The following LRRC52 variants were observed in gnomAD, a reference collection of about 807,000 sequenced individuals.
The protein encoded by LRRC52 is leucine-rich repeat-containing protein 52.
LRRC52 carries 15 observed loss-of-function variants against 14.7 expected under a neutral mutation model. The observed-to-expected ratio is 1.02, with a 90% CI of 0.68 to 1.58. The LOEUF (loss-of-function observed/expected upper bound fraction) is 1.58, where lower values mean the gene tolerates loss of function less well. Ranked by LOEUF, LRRC52 falls within the 40% of genes most tolerant of loss-of-function variation. The pLI, the probability that LRRC52 is intolerant of heterozygous loss-of-function variation, is 0.00. For synonymous variants in LRRC52, 180 were observed against 163.9 expected, an observed-to-expected ratio of 1.10 and a Z score of -0.75; for missense variants, 400 against 387.7, an observed-to-expected ratio of 1.03 and a Z score of -0.27.
intron 1 of LRRC52, among the ~76,000 whole-genome samples, chr1:165,555,673 G>A (rs146146442): frequency 1.3e-4 from 20 of 152,332 alleles, no homozygotes; most frequent in Non-Finnish European, 1.8e-4. Context: ...AATGGTCCAG[G>A]TAATTAGAAG....
chr1:165,544,214 G>T lies in LRRC52; in HGVS notation c.-83G>T. On this transcript the variant is annotated 5_prime_UTR_variant, in exon 1 of 2. Coordinates refer to ENST00000294818, the MANE Select transcript of LRRC52 (RefSeq NM_001005214.4). Reference sequence around the variant, plus strand: ...CAGTTCTTTCCAGAGCCCCTCCCCCGCCCCACCCCCCCACCGGCAGCCTTC... The same window carrying T: ...CAGTTCTTTCCAGAGCCCCTCCCCCTCCCCACCCCCCCACCGGCAGCCTTC... The T allele has an allele frequency of 1.2e-5, 5 of 404,264 alleles. 2 individuals carry two copies. Among genetic ancestry groups the T allele is most frequent in the Admixed American group, 3.3e-5 (1 of 30,422 alleles). 25.0% of individuals were successfully genotyped at this position (404,264 alleles called of 1,614,324 possible).
chr1:165,563,857 C>T lies in LRRC52; in HGVS notation c.*33C>T. On this transcript the variant is annotated 3_prime_UTR_variant, in exon 2 of 2. Transcript: ENST00000294818. ...AGACCACTATCTTATGTGCCTCCCC[C>T]AGGCTCCCTGCTTTCTCTCTTGCCC... The T allele has an allele frequency of 6.3e-7, 1 of 1,592,012 alleles. No homozygotes were observed. Among genetic ancestry groups the T allele is most frequent in the South Asian group, 1.1e-5 (1 of 87,422 alleles).
At chr1:165,557,055 T>G (rs561408109) in intron 1 of LRRC52, among the ~76,000 whole-genome samples, 1 of 152,330 alleles carries the variant, frequency 6.6e-6, no homozygotes, top group South Asian at 2.1e-4. Context: ...GCACCTACTG[T>G]GTGCCAGGCA....
chr1:165,546,728 C>G lies in LRRC52; in HGVS notation c.622+1810C>G, dbSNP rs1003415854. 2.6e-5 allele frequency among the ~76,000 whole-genome samples: 4 copies of G among 152,126 alleles called. No individual in the cohort carries two copies. In the South Asian group the frequency reaches 8.3e-4, roughly 32 times the overall value. On this transcript the variant is annotated intron_variant, in intron 1 of 1. Coordinates refer to ENST00000294818, the MANE Select transcript of LRRC52 (RefSeq NM_001005214.4). Reference sequence around the variant, plus strand: ...AGCACCTAAGCCTACCATTTCACCTCCCACTCCATCTCCCTTCATCAGATT... The same window carrying G: ...AGCACCTAAGCCTACCATTTCACCTGCCACTCCATCTCCCTTCATCAGATT...
chr1:165,544,227 A>AC lies in LRRC52; in HGVS notation c.-68dup. ...AGCCCCTCCCCCGCCCCACCCCCCC[A>AC]CCGGCAGCCTTCGGATCAGAGGACA... On this transcript the variant is annotated 5_prime_UTR_variant, in exon 1 of 2. Coordinates refer to ENST00000294818, the MANE Select transcript of LRRC52 (RefSeq NM_001005214.4). 1 of 684,714 alleles carries AC rather than the reference A, an allele frequency of 1.5e-6. No individual in the cohort carries two copies. The highest frequency in any genetic ancestry group is 1.8e-5 in the South Asian group (1 of 56,698). 42.4% of individuals were successfully genotyped at this position (684,714 alleles called of 1,614,324 possible).
intron 1 of LRRC52, among the ~76,000 whole-genome samples, chr1:165,559,226 T>C (rs1396059985): frequency 1.3e-5 from 2 of 150,828 alleles, no homozygotes; most frequent in East Asian, 1.9e-4. Flanking sequence ...CCATCTCTAC[T>C]AAAAATATAA....
intron 1 of LRRC52, among the ~76,000 whole-genome samples, chr1:165,556,839 G>GTTCTTGAGCAGTCATA (rs1661243318): frequency 6.6e-6 from 1 of 152,224 alleles, no homozygotes; most frequent in Non-Finnish European, 1.5e-5. Context: ...TGGCTTTGGT[G>GTTCTTGAGCAGTCATA]TTCTTGAGCA....
chr1:165,547,942 T>A (rs531563154), intron 1 of LRRC52, among the ~76,000 whole-genome samples: 1 of 152,384 alleles, frequency 6.6e-6, no homozygotes, highest in Admixed American at 6.5e-5. Flanking sequence ...TGGTCTCTGC[T>A]ACGTGGAAAT....
intron 1 of LRRC52, among the ~76,000 whole-genome samples, chr1:165,554,463 CAG>C (rs1661195449): frequency 7.9e-6 from 1 of 127,026 alleles, no homozygotes; most frequent in Non-Finnish European, 1.8e-5. Context: ...TTTTTGGAGG[CAG>C]ACTCTTGCTG....
At chr1:165,557,198 C>T (rs954717083) in intron 1 of LRRC52, among the ~76,000 whole-genome samples, 1 of 152,192 alleles carries the variant, frequency 6.6e-6, no homozygotes, top group Non-Finnish European at 1.5e-5. Flanking sequence ...CCCTTGTTTC[C>T]TTCTCTTCAG....
intron 1 of LRRC52, among the ~76,000 whole-genome samples, chr1:165,562,584 C>T (rs192638849): frequency 4.5e-4 from 69 of 152,204 alleles, no homozygotes; most frequent in Admixed American, 1.2e-3. Context: ...GATGAGGAAA[C>T]GGAATTCAGA....
At chr1:165,556,819 G>T (rs907005152) in intron 1 of LRRC52, among the ~76,000 whole-genome samples, 3 of 152,238 alleles carry the variant, frequency 2.0e-5, no homozygotes, top group South Asian at 4.1e-4. Context: ...AAGGGGCCTT[G>T]TTGGCCAGTT....
intron 1 of LRRC52, among the ~76,000 whole-genome samples, chr1:165,560,679 GGAAGAACAT>G (rs1183094186): frequency 6.6e-6 from 1 of 152,142 alleles, no homozygotes; most frequent in Non-Finnish European, 1.5e-5. Flanking sequence ...TTAAAAGATG[GGAAGAACAT>G]GATCCTGCAA....
intron 1 of LRRC52, among the ~76,000 whole-genome samples, chr1:165,547,807 T>C (rs1018694779): frequency 2.6e-5 from 4 of 152,200 alleles, no homozygotes; most frequent in African/African-American, 9.7e-5. Context: ...CATGAACAGA[T>C]ACATGCATAC....
rs1557968639 is a variant in LRRC52 at position 165,563,604 on chromosome 1, A to G, written c.722A>G (p.Asp241Gly). The G allele has an allele frequency of 6.2e-7, 1 of 1,614,246 alleles. No homozygotes were observed. Among genetic ancestry groups the G allele is most frequent in the Non-Finnish European group, 8.5e-7 (1 of 1,180,042 alleles). Reference protein sequence around the residue: ...PLRYMCITHLDHKDYIFLLLI... With the variant: ...PLRYMCITHLGHKDYIFLLLI... Reference sequence around the variant, plus strand: ...CGATACATGTGCATCACGCACCTGGACCACAAAGACTACATCTTCCTGCTG... The same window carrying G: ...CGATACATGTGCATCACGCACCTGGGCCACAAAGACTACATCTTCCTGCTG... Residue 241 changes from aspartate (D) to glycine (G), a missense_variant, in exon 2 of 2, where the codon GAC (aspartate) becomes GGC (glycine). Transcript: ENST00000294818.
At chr1:165,560,953 G>A (rs985850715) in intron 1 of LRRC52, among the ~76,000 whole-genome samples, 3 of 152,106 alleles carry the variant, frequency 2.0e-5, no homozygotes, top group Non-Finnish European at 4.4e-5. Context: ...GAGTGTGACC[G>A]AGAAGAGCTG....
In LRRC52 at chr1:165,561,366, C is replaced by T. The variant is rs1373772746; in HGVS notation, c.623-2139C>T. On this transcript the variant is annotated intron_variant, in intron 1 of 1. Coordinates refer to ENST00000294818, the MANE Select transcript of LRRC52 (RefSeq NM_001005214.4). The stretch of plus-strand genomic sequence containing the variant: ...CCATGTTTGCCTTTCTCAAATACAT[C>T]TTTCTTTGAAGATTCATGTGTCTCC... Among the ~76,000 whole-genome samples, 50 of 152,228 alleles carry T rather than the reference C, an allele frequency of 3.3e-4. 1 individual carries two copies. Among genetic ancestry groups the T allele is most frequent in the Non-Finnish European group, 1.5e-4 (10 of 68,028 alleles).
At chr1:165,547,603 T>A (rs182018470) in intron 1 of LRRC52, among the ~76,000 whole-genome samples, 2 of 152,174 alleles carry the variant, frequency 1.3e-5, no homozygotes, top group East Asian at 3.9e-4. Flanking sequence ...CAAACACACA[T>A]GCAAACACAA....
chr1:165,563,444 G>T, intron 1 of LRRC52, 61 bp from the exon 2 acceptor site: 1 of 1,484,224 alleles, frequency 6.7e-7, no homozygotes, highest in Non-Finnish European at 9.2e-7. Context: ...ATCCCCTTTG[G>T]CCTTAGGACG....
Sources: allele counts gnomAD v4.1 joint callset (sites outside exome capture counted in the v4.1 genomes callset), GRCh38; gene constraint gnomAD v4.1.1; transcripts MANE v1.5; gene names NCBI Gene and HGNC (gene_info 2026-07-23, HGNC 2026-07-21).